Variants in DGKB observed in about 807,000 individuals in gnomAD.
DGKB encodes diacylglycerol kinase beta.
In DGKB, 67 loss-of-function variants were observed where a neutral mutation model predicts 114.3. That is an observed-to-expected ratio of 0.59 (90% CI 0.48 to 0.72). The LOEUF is 0.72. Ranked by LOEUF, DGKB falls within the 30% of genes least tolerant of loss-of-function variation. The probability of loss-of-function intolerance (pLI) is 0.00; values close to 1 mark genes in which losing one functional copy is unlikely to be tolerated. For missense variants in DGKB, 907 were observed against 975.2 expected, an observed-to-expected ratio of 0.93 and a Z score of 0.93; for synonymous variants, 398 against 323.1, an observed-to-expected ratio of 1.23 and a Z score of -2.49.
intron 20 of DGKB, among the ~76,000 whole-genome samples, chr7:14,527,783 A>G (rs1790881315): frequency 6.6e-6 from 1 of 152,128 alleles, no homozygotes; most frequent in Non-Finnish European, 1.5e-5. Flanking sequence ...GTAGGAAAAT[A>G]GAATCACAGA....
At chr7:14,846,897 G>A (rs1392576923) in intron 1 of DGKB, among the ~76,000 whole-genome samples, 1 of 152,164 alleles carries the variant, frequency 6.6e-6, no homozygotes, top group Non-Finnish European at 1.5e-5. Flanking sequence ...CTATTGGGTT[G>A]GACGCATCAT....
At chr7:14,402,377 T>C (rs1583667032) in intron 21 of DGKB, among the ~76,000 whole-genome samples, 1 of 151,978 alleles carries the variant, frequency 6.6e-6, no homozygotes, top group African/African-American at 2.4e-5. Flanking sequence ...TCCAGGAACA[T>C]AGTTTCTTAC....
At chr7:14,667,910 G>A (rs1034523762) in intron 13 of DGKB, among the ~76,000 whole-genome samples, 6 of 152,004 alleles carry the variant, frequency 3.9e-5, no homozygotes, top group Admixed American at 2.6e-4. Context: ...TAACACATAC[G>A]AGACCCGAAG....
rs77333703 is a variant in DGKB, at chr7:14,914,321, T to G, written c.-188+60375A>C. Among the ~76,000 whole-genome samples, 491 of 152,192 alleles carry G rather than the reference T, an allele frequency of 3.2e-3. 2 individuals are homozygous for G. The highest frequency in any genetic ancestry group is 0.011 in the African/African-American group (464 of 41,528). On this transcript the variant is annotated intron_variant, in intron 1 of 4. Transcript: ENST00000437998. Reference sequence around the variant, plus strand: ...CACTAAGAAAACTGAGATTTAATCATAAGATTATAGAAAACTACACGCCCA... The same window carrying G: ...CACTAAGAAAACTGAGATTTAATCAGAAGATTATAGAAAACTACACGCCCA...
chr7:14,746,197 G>T (rs1444647383), intron 4 of DGKB, among the ~76,000 whole-genome samples: 1 of 152,112 alleles, frequency 6.6e-6, no homozygotes, highest in Admixed American at 6.6e-5. Context: ...AAATTAGCAT[G>T]GTGGCATGTG....
intron 23 of DGKB, among the ~76,000 whole-genome samples, chr7:14,336,252 G>C (rs1388226060): frequency 1.3e-5 from 2 of 152,058 alleles, no homozygotes; most frequent in African/African-American, 4.8e-5. Context: ...GTATCTCAAA[G>C]TGAAAACAAT....
chr7:14,536,185 G>A (rs1792465304), intron 20 of DGKB, among the ~76,000 whole-genome samples: 2 of 151,966 alleles, frequency 1.3e-5, no homozygotes, highest in Non-Finnish European at 2.9e-5. Context: ...GAAAATCTCA[G>A]GACCAGATGG....
intron 2 of DGKB, among the ~76,000 whole-genome samples, chr7:14,827,809 C>T (rs1428342853): frequency 6.6e-6 from 1 of 152,092 alleles, no homozygotes; most frequent in African/African-American, 2.4e-5. Context: ...AGCATAGCTT[C>T]TGCTACATGT....
In DGKB at chr7:14,444,779, C is replaced by T. The variant is rs116802051; in HGVS notation, c.1835+33382G>A. Among the ~76,000 whole-genome samples the T allele has an allele frequency of 9.8e-3, 1,491 of 151,754 alleles. 19 individuals are homozygous for T. Among genetic ancestry groups the T allele is most frequent in the African/African-American group, 0.034 (1,409 of 41,466 alleles). On this transcript the variant is annotated intron_variant, in intron 21 of 25. Coordinates refer to ENST00000402815, the MANE Select transcript of DGKB (RefSeq NM_001350709.2). ...ATTGCCTATTACATTATAAATTCTC[C>T]GACAAATAATGGTTATTATTATGTT...
chr7:14,360,442 C>T (rs1815495844), intron 21 of DGKB, among the ~76,000 whole-genome samples: 2 of 146,886 alleles, frequency 1.4e-5, no homozygotes, highest in Admixed American at 1.3e-4. Flanking sequence ...TACCCTAGAA[C>T]TTAAAGTATA....
chr7:14,390,819 G>T (rs1279532938), intron 21 of DGKB, among the ~76,000 whole-genome samples: 1 of 152,202 alleles, frequency 6.6e-6, no homozygotes, highest in South Asian at 2.1e-4. Context: ...TAATTATTTA[G>T]ATAAAATAGT....
intron 20 of DGKB, among the ~76,000 whole-genome samples, chr7:14,559,609 A>G (rs1276036477): frequency 6.6e-6 from 1 of 152,188 alleles, no homozygotes; most frequent in Non-Finnish European, 1.5e-5. Flanking sequence ...AAACTCAACT[A>G]CTATTGTCAA....
At chr7:14,156,460 A>G (rs1227027777) in intron 25 of DGKB, among the ~76,000 whole-genome samples, 1 of 152,168 alleles carries the variant, frequency 6.6e-6, no homozygotes, top group African/African-American at 2.4e-5. Context: ...ATGTAAATAA[A>G]TTAATGTTGC....
intron 13 of DGKB, among the ~76,000 whole-genome samples, chr7:14,669,721 C>A (rs115551266): frequency 0.013 from 2,014 of 152,188 alleles, 41 homozygotes; most frequent in African/African-American, 0.046. Flanking sequence ...CAGGAGGCCC[C>A]AACAGACCAG....
At chr7:14,424,395 T>C (rs1327918408) in intron 21 of DGKB, among the ~76,000 whole-genome samples, 1 of 144,158 alleles carries the variant, frequency 6.9e-6, no homozygotes, top group African/African-American at 2.6e-5. Flanking sequence ...CTGTCCCATT[T>C]TCTTCATCTT....
chr7:14,550,299 C>G (rs970456369), intron 20 of DGKB, among the ~76,000 whole-genome samples: 15 of 151,806 alleles, frequency 9.9e-5, no homozygotes, highest in African/African-American at 3.1e-4. Context: ...CTTAATAAAA[C>G]AGAAACAAAA....
At chr7:14,885,456 C>T (rs1408023252) in intron 1 of DGKB, among the ~76,000 whole-genome samples, 1 of 151,680 alleles carries the variant, frequency 6.6e-6, no homozygotes, top group East Asian at 1.9e-4. Context: ...TAGAGCTGCT[C>T]CTGGAAAGAT....
rs1296745920 is a variant in DGKB, at chr7:14,641,283, A to T, written c.1135-11015T>A. Among the ~76,000 whole-genome samples the T allele has an allele frequency of 2.4e-4, 3 of 12,462 alleles. 1 individual carries two copies. The highest frequency in any genetic ancestry group is 7.1e-4 in the African/African-American group (3 of 4,252). 8.2% of individuals were successfully genotyped at this position (12,462 alleles called of 152,430 possible). A position where few individuals can be genotyped will look rare whatever the true frequency, so the allele number is the denominator to read the frequency against. ...TAGGGATTTGGTTTACAATATAGGG[A>T]TTTGGTTTACAATATAGGGATTTGG... On this transcript the variant is annotated intron_variant, in intron 13 of 25. Coordinates refer to ENST00000402815, the MANE Select transcript of DGKB (RefSeq NM_001350709.2).
At chr7:14,432,343 A>G (rs1036294920) in intron 21 of DGKB, among the ~76,000 whole-genome samples, 8 of 152,186 alleles carry the variant, frequency 5.3e-5, no homozygotes, top group Non-Finnish European at 8.8e-5. Context: ...TCTAAGAGCT[A>G]TGTACTCAAG....
Sources: allele counts gnomAD v4.1 joint callset (sites outside exome capture counted in the v4.1 genomes callset), GRCh38; gene constraint gnomAD v4.1.1; transcripts MANE v1.5; gene names NCBI Gene and HGNC (gene_info 2026-07-23, HGNC 2026-07-21).